ADGRD2: variants seen among roughly 807,000 people sequenced by gnomAD.
The protein encoded by ADGRD2 is G protein-coupled receptor PGR24.
In ADGRD2, 71 loss-of-function variants were observed where a neutral mutation model predicts 44.4. The ratio of observed to expected loss-of-function variants is 1.60; its 90% CI spans 1.32 to 1.95. The LOEUF is 1.95. Among genes scored for constraint, ADGRD2 ranks in the 30% most tolerant of loss-of-function variants. The pLI is 0.00. For missense variants in ADGRD2, 1,039 were observed against 512.4 expected (o/e 2.03, Z -9.92); for synonymous variants, 481 against 224.8 (o/e 2.14, Z -10.19).
chr9:124,468,697 T>C, intron 14 of ADGRD2, 25 bp downstream of exon 17: 1 of 699,094 alleles, frequency 1.4e-6, no homozygotes, highest in Non-Finnish European at 2.6e-6. Context: ...GCACCCACAC[T>C]CTCTTCTCCT....
exon 1 of ADGRD2, chr9:124,452,111 C>A (rs998834461): frequency 1.4e-6 from 1 of 713,548 alleles, no homozygotes; most frequent in Non-Finnish European, 2.6e-6. Context: ...TCTCTGGGAC[C>A]CCCTCCAACT....
chr9:124,475,540 T>A (rs1440958369), intron 18 of ADGRD2, 31 bp from the exon 22 acceptor site: 1 of 706,650 alleles, frequency 1.4e-6, no homozygotes, highest in Non-Finnish European at 2.6e-6. Context: ...GTAGGGAGGG[T>A]CCCCAGCCTG....
intron 10 of ADGRD2, among the ~76,000 whole-genome samples, chr9:124,458,967 G>T (rs549168810): frequency 6.6e-6 from 1 of 152,198 alleles, no homozygotes; most frequent in Non-Finnish European, 1.5e-5. Context: ...TTCATCCAAA[G>T]CTTGGGAGGG....
exon 11 of ADGRD2, chr9:124,466,333 G>A: frequency 4.2e-6 from 3 of 717,378 alleles, no homozygotes; most frequent in Non-Finnish European, 7.8e-6. Flanking sequence ...CTCCGTGGCT[G>A]CCCTGTACCT....
intron 21 of ADGRD2, among the ~76,000 whole-genome samples, chr9:124,477,809 C>T (rs1020100802): frequency 2.6e-5 from 4 of 151,686 alleles, no homozygotes; most frequent in African/African-American, 9.7e-5. Context: ...CCCCCACCTG[C>T]CCCGCCCCCA....
At chr9:124,455,979 C>T (rs4838177) in intron 6 of ADGRD2, among the ~76,000 whole-genome samples, 81,852 of 152,018 alleles carry the variant, frequency 0.54, 22,620 homozygotes, top group Middle Eastern at 0.66. Context: ...TAGGGGAAGA[C>T]GGCATAACAC....
At chr9:124,453,164 C>T (rs1334601366) in exon 3 of ADGRD2, 4 of 699,566 alleles carry the variant, frequency 5.7e-6, no homozygotes, top group Middle Eastern at 3.0e-4. Flanking sequence ...TGTGCCTCGC[C>T]CGACCCCGCA....
chr9:124,468,290 C>T (rs1831870668), intron 13 of ADGRD2, 100 bp downstream of exon 16: 1 of 701,580 alleles, frequency 1.4e-6, no homozygotes, highest in African/African-American at 1.7e-5. Flanking sequence ...TTTCACATGG[C>T]TCCACTTCCC....
chr9:124,468,427 G>A (rs1247058704), intron 13 of ADGRD2, 92 bp from the exon 17 acceptor site: 1 of 708,796 alleles, frequency 1.4e-6, no homozygotes, highest in Non-Finnish European at 2.6e-6. Flanking sequence ...GACTTCTTTG[G>A]GTTGGCAAGG....
intron 3 of ADGRD2, 99 bp downstream of exon 6, chr9:124,453,775 C>G: frequency 1.6e-6 from 1 of 634,944 alleles, no homozygotes; most frequent in East Asian, 2.8e-5. Flanking sequence ...CCACGCCTAG[C>G]TCTGGCCACG....
At chr9:124,466,175 G>T in intron 10 of ADGRD2, 83 bp from the exon 14 acceptor site, 1 of 507,380 alleles carries the variant, frequency 2.0e-6, no homozygotes. Context: ...TAGAGGCAGG[G>T]CAGTGACAGG....
At chr9:124,464,724 CTAACACATTCATCA>C (rs1163230254) in intron 10 of ADGRD2, among the ~76,000 whole-genome samples, 3 of 152,030 alleles carry the variant, frequency 2.0e-5, no homozygotes, top group Admixed American at 2.0e-4. Context: ...TACAAAAGAA[CTAACACATTCATCA>C]TAACACATTC....
intron 7 of ADGRD2, 87 bp downstream of exon 10, chr9:124,456,820 A>G (rs1367587318): frequency 1.4e-6 from 1 of 692,852 alleles, no homozygotes; most frequent in African/African-American, 1.8e-5. Flanking sequence ...ACTTCCACAG[A>G]CACTCCATTC....
rs984808494 is a variant in ADGRD2, at chr9:124,476,926, T to C, written c.*18+217T>C. 7.1e-6 allele frequency: 5 copies of C among 705,520 alleles called. No homozygotes were observed. The African/African-American group carries it at 8.7e-5, about 12-fold the overall frequency. 43.7% of individuals were successfully genotyped at this position (705,520 alleles called of 1,614,324 possible). A position where few individuals can be genotyped will look rare whatever the true frequency, so the allele number is the denominator to read the frequency against. On this transcript the variant is annotated intron_variant, in intron 21 of 21. Coordinates refer to ENST00000334810, the Ensembl canonical transcript of ADGRD2. ...GAGGACTTCATTAGAGAGTAGGTCATGGAACCCTATTCTGAGCGGGCGCTG... is the reference window on the plus strand; with the variant it reads ...GAGGACTTCATTAGAGAGTAGGTCACGGAACCCTATTCTGAGCGGGCGCTG...
chr9:124,453,191 C>G, exon 3 of ADGRD2: 3 of 679,822 alleles, frequency 4.4e-6, no homozygotes, highest in Non-Finnish European at 5.3e-6. Context: ...TTCTCCGTTG[C>G]CGCGCCCGCG....
chr9:124,469,522 C>A (rs1219005620), exon 16 of ADGRD2: 12 of 718,170 alleles, frequency 1.7e-5, no homozygotes, highest in Non-Finnish European at 2.9e-5. Context: ...GCCCTGCCTG[C>A]AGCAGCAGAT....
chr9:124,476,121 G>A (rs1588611098), intron 19 of ADGRD2, among the ~76,000 whole-genome samples: 2 of 152,300 alleles, frequency 1.3e-5, no homozygotes, highest in East Asian at 3.9e-4. Flanking sequence ...CTGAGGCAGG[G>A]CATGGGTTGA....
chr9:124,469,906 CCCAGAAGTTCAGGGTTAGCT>C (rs961723283), intron 16 of ADGRD2, among the ~76,000 whole-genome samples: 13 of 152,160 alleles, frequency 8.5e-5, no homozygotes, highest in African/African-American at 3.1e-4. Flanking sequence ...CAGGGTTAGC[CCCAGAAGTTCAGGGTTAGCT>C]CCAGAAGTTC....
chr9:124,454,140 C>T lies in ADGRD2; in HGVS notation c.1022+43C>T, dbSNP rs765233209. On this transcript the variant is annotated intron_variant, in intron 4 of 21. Coordinates refer to ENST00000334810, the Ensembl canonical transcript of ADGRD2. This position sits in a 1 kb window ranked among gnomAD's most constrained non-coding sequence, Gnocchi z 4.5. ...CCCTGGGCTCTGCTGAAGGGAAAGC[C>T]GGTGTGGACCGGAGTAGACTGAGAG... 17 of 641,160 alleles carry T rather than the reference C, an allele frequency of 2.7e-5. No homozygotes were observed. Among genetic ancestry groups the T allele is most frequent in the Non-Finnish European group, 4.8e-5 (17 of 351,926 alleles). The allele number at this position is 641,160 out of a possible 1,614,324, so 39.7% of individuals were successfully genotyped here. A position where few individuals can be genotyped will look rare whatever the true frequency, so the allele number is the denominator to read the frequency against.
Sources: allele counts gnomAD v4.1 joint callset (sites outside exome capture counted in the v4.1 genomes callset), GRCh38; gene constraint gnomAD v4.1.1; non-coding constraint Gnocchi (gnomAD v3.1); transcripts MANE v1.5; gene names NCBI Gene and HGNC (gene_info 2026-07-23, HGNC 2026-07-21).